Variants in TDRD9 observed in about 807,000 individuals in gnomAD.
The protein encoded by TDRD9 is tudor domain containing 9.
In TDRD9, 124 loss-of-function variants were observed where a neutral mutation model predicts 172.6. That is an observed-to-expected ratio of 0.72 (90% confidence interval 0.62 to 0.83). TDRD9 has a LOEUF of 0.83. Among genes scored for constraint, TDRD9 ranks in the 40% least tolerant of loss-of-function variants. The pLI, the probability that TDRD9 is intolerant of heterozygous loss-of-function variation, is 0.00. For missense variants in TDRD9, 1,479 were observed against 1,714.1 expected, an observed-to-expected ratio of 0.86 and a Z score of 2.42; for synonymous variants, 619 against 617.1, an observed-to-expected ratio of 1.00 and a Z score of -0.05.
chr14:103,998,321 T>A (rs1222607610), intron 12 of TDRD9, among the ~76,000 whole-genome samples: 1 of 152,126 alleles, frequency 6.6e-6, no homozygotes, highest in Non-Finnish European at 1.5e-5. Flanking sequence ...GCTGTTGTAA[T>A]GATGCTCTTT....
rs148027565 is a variant in TDRD9, at chr14:104,001,579, T to G, written c.1484-2659T>G. 9.8e-5 allele frequency among the ~76,000 whole-genome samples: 15 copies of G among 152,310 alleles called. 1 individual carries two copies. The East Asian group carries it at 2.9e-3, about 29-fold the overall frequency. On this transcript the variant is annotated intron_variant, in intron 13 of 35. Coordinates refer to ENST00000409874, the MANE Select transcript of TDRD9 (RefSeq NM_153046.3). Reference sequence around the variant, plus strand: ...CTGGTATAAAAACCCAAGAATATAGTTACTGGGTCATGTGGTAAATCTATG... The same window carrying G: ...CTGGTATAAAAACCCAAGAATATAGGTACTGGGTCATGTGGTAAATCTATG...
chr14:103,958,201 T>C (rs75812704), intron 2 of TDRD9, among the ~76,000 whole-genome samples: 3,524 of 152,186 alleles, frequency 0.023, 78 homozygotes, highest in East Asian at 0.071. Flanking sequence ...TCTATGGGGG[T>C]GTAAAACAAG....
At chr14:104,012,514 CT>C (rs34438756) in intron 20 of TDRD9, among the ~76,000 whole-genome samples, 39,701 of 141,840 alleles carry the variant, frequency 0.28, 5,585 homozygotes, top group Non-Finnish European at 0.34. Flanking sequence ...TAAATCATTG[CT>C]TTTTTTTTTT....
chr14:103,956,111 AATATATATATATATAT>A (rs1173008862), intron 2 of TDRD9, among the ~76,000 whole-genome samples: 26 of 18,364 alleles, frequency 1.4e-3, no homozygotes, highest in South Asian at 6.3e-3. Context: ...AAAAAAAAAA[AATATATATATATATAT>A]ATATATATAT....
chr14:103,954,544 A>G (rs2032100151), intron 1 of TDRD9, among the ~76,000 whole-genome samples: 2 of 152,242 alleles, frequency 1.3e-5, no homozygotes, highest in African/African-American at 4.8e-5. Flanking sequence ...CTTCGTTTAC[A>G]TGTGCTGATG....
At chr14:103,947,588 A>G (rs909639792) in intron 1 of TDRD9, among the ~76,000 whole-genome samples, 11 of 152,116 alleles carry the variant, frequency 7.2e-5, no homozygotes, top group African/African-American at 1.7e-4. Flanking sequence ...TGGCCTCCCA[A>G]AGTGCTGGGA....
In TDRD9 at chr14:104,021,306, A is replaced by G. The variant is rs149697855; in HGVS notation, c.2433-851A>G. Among the ~76,000 whole-genome samples the G allele has an allele frequency of 4.1e-3, 627 of 152,230 alleles. 5 individuals carry two copies. Among genetic ancestry groups the G allele is most frequent in the African/African-American group, 0.014 (597 of 41,546 alleles). On this transcript the variant is annotated intron_variant, in intron 23 of 35. Coordinates refer to ENST00000409874, the MANE Select transcript of TDRD9 (RefSeq NM_153046.3). ...CCCTCCTCCAATATTGGAGATTACA[A>G]TTCGACATGAGATTTGGGCAGGGAC... is the stretch of plus-strand genomic sequence containing the variant.
At chr14:104,017,457 G>A (rs912007931) in intron 22 of TDRD9, among the ~76,000 whole-genome samples, 6 of 152,236 alleles carry the variant, frequency 3.9e-5, no homozygotes, top group African/African-American at 1.2e-4. Flanking sequence ...AAGGAGACAC[G>A]CGGATTCAGG....
intron 32 of TDRD9, among the ~76,000 whole-genome samples, chr14:104,038,767 C>G (rs2035526442): frequency 6.6e-6 from 1 of 152,150 alleles, no homozygotes; most frequent in East Asian, 1.9e-4. Context: ...ACCTCTGCCT[C>G]CAAGTGATCC....
intron 1 of TDRD9, among the ~76,000 whole-genome samples, chr14:103,952,190 G>GTGTA (rs1366094210): frequency 0.076 from 4,198 of 55,122 alleles, 234 homozygotes; most frequent in East Asian, 0.15. Context: ...GCGTGTGTGT[G>GTGTA]TATATATATA....
At chr14:103,959,518 C>A (rs1357320872) in intron 2 of TDRD9, among the ~76,000 whole-genome samples, 2 of 143,962 alleles carry the variant, frequency 1.4e-5, no homozygotes, top group Non-Finnish European at 3.0e-5. Context: ...AGACACAAAG[C>A]TATTTCTATG....
intron 34 of TDRD9, among the ~76,000 whole-genome samples, chr14:104,043,729 T>G (rs1452909525): frequency 2.6e-5 from 4 of 152,196 alleles, no homozygotes; most frequent in African/African-American, 9.7e-5. Flanking sequence ...GGTATTGGTT[T>G]GTTTGTTTTA....
chr14:104,003,249 C>T (rs151056285), intron 13 of TDRD9, among the ~76,000 whole-genome samples: 25 of 152,004 alleles, frequency 1.6e-4, no homozygotes, highest in African/African-American at 4.1e-4. Context: ...GTTAGAGTAG[C>T]GGGGACCTCT....
chr14:103,999,312 A>G (rs1566771447), intron 13 of TDRD9, among the ~76,000 whole-genome samples: 1 of 152,228 alleles, frequency 6.6e-6, no homozygotes, highest in Non-Finnish European at 1.5e-5. Context: ...AAGTTAAAAA[A>G]TTATTGGTGA....
chr14:103,955,580 G>T, intron 1 of TDRD9, 84 bp from the exon 2 acceptor site: 1 of 926,002 alleles, frequency 1.1e-6, no homozygotes, highest in South Asian at 2.0e-5. Flanking sequence ...TTTTTCCTGT[G>T]ACTTAATGTG....
intron 32 of TDRD9, among the ~76,000 whole-genome samples, chr14:104,039,518 C>T (rs969724977): frequency 3.3e-5 from 5 of 152,184 alleles, no homozygotes; most frequent in African/African-American, 1.2e-4. Context: ...TGAAAAGCTA[C>T]TCCTGTGTGC....
At chr14:104,044,296 C>T (rs948835626) in intron 34 of TDRD9, among the ~76,000 whole-genome samples, 1 of 152,058 alleles carries the variant, frequency 6.6e-6, no homozygotes, top group Non-Finnish European at 1.5e-5. Context: ...GCAGCAGATG[C>T]CACCTGCTTG....
intron 1 of TDRD9, among the ~76,000 whole-genome samples, chr14:103,948,584 A>G (rs2031696097): frequency 6.6e-6 from 1 of 152,236 alleles, no homozygotes; most frequent in South Asian, 2.1e-4. Flanking sequence ...TAAAACGTGG[A>G]AGCAACCTGA....
At chr14:104,026,636 T>A (rs1373767174) in intron 27 of TDRD9, 43 bp from the exon 28 acceptor site, 1 of 1,598,668 alleles carries the variant, frequency 6.3e-7, no homozygotes, top group African/African-American at 1.3e-5. Flanking sequence ...AGTGTTTTGC[T>A]TATTTATAAA....
Sources: allele counts gnomAD v4.1 joint callset (sites outside exome capture counted in the v4.1 genomes callset), GRCh38; gene constraint gnomAD v4.1.1; transcripts MANE v1.5; gene names NCBI Gene and HGNC (gene_info 2026-07-23, HGNC 2026-07-21).